TTC28: variants seen among roughly 807,000 people sequenced by gnomAD.
TTC28 encodes the protein tetratricopeptide repeat domain 28.
A neutral mutation model predicts 198.0 loss-of-function variants in TTC28; 61 were observed. That is an observed-to-expected ratio of 0.31 (90% CI 0.25 to 0.38). TTC28 has a LOEUF of 0.38. Among genes scored for constraint, TTC28 ranks in the 10% least tolerant of loss-of-function variants. The pLI is 1.00. For synonymous variants in TTC28, 1,171 were observed against 1,297.8 expected (o/e 0.90, Z 2.10); for missense variants, 2,678 against 3,164.0 (o/e 0.85, Z 3.69).
intron 5 of TTC28, among the ~76,000 whole-genome samples, chr22:28,190,162 C>A (rs1041123295): frequency 6.6e-6 from 1 of 152,206 alleles, no homozygotes; most frequent in Non-Finnish European, 1.5e-5. Context: ...GTTCTCTTAC[C>A]TGCAGTGTGC....
chr22:28,610,029 C>T (rs974102250), intron 2 of TTC28, among the ~76,000 whole-genome samples: 1 of 152,182 alleles, frequency 6.6e-6, no homozygotes, highest in African/African-American at 2.4e-5. Flanking sequence ...GGCCAGACTG[C>T]CTCTCTAGAT....
intron 2 of TTC28, among the ~76,000 whole-genome samples, chr22:28,567,717 A>G (rs1275064847): frequency 6.6e-6 from 1 of 151,796 alleles, no homozygotes; most frequent in Non-Finnish European, 1.5e-5. Context: ...CTGCTTGAGA[A>G]AGTATACCAC....
Position 28,005,280 on chromosome 22 carries a change from C to T in TTC28, c.4219-3727G>A, listed in dbSNP as rs1395693009. Among the ~76,000 whole-genome samples, 1 of 152,178 alleles carries T rather than the reference C, an allele frequency of 6.6e-6. No individual in the cohort carries two copies. The highest frequency in any genetic ancestry group is 1.5e-5 in the Non-Finnish European group (1 of 68,040). ...GACACAGTGCTGGGCAGGCAGGCCA[C>T]CATGCACAGCACTGTGGGGCTGCCC... On this transcript the variant is annotated intron_variant, in intron 14 of 22. Coordinates refer to ENST00000397906, the MANE Select transcript of TTC28 (RefSeq NM_001145418.2). This position sits in a 1 kb window ranked among gnomAD's most constrained non-coding sequence, Gnocchi z 4.9.
chr22:28,238,097 A>G (rs183865348), intron 5 of TTC28, among the ~76,000 whole-genome samples: 112 of 152,134 alleles, frequency 7.4e-4, no homozygotes, highest in Middle Eastern at 3.4e-3. Context: ...TTATGTTTTT[A>G]CTGCACGAAT....
intron 2 of TTC28, among the ~76,000 whole-genome samples, chr22:28,456,644 C>T (rs991428232): frequency 2.6e-5 from 4 of 152,228 alleles, no homozygotes; most frequent in Admixed American, 6.5e-5. Context: ...GGCATGATCT[C>T]GGCTCACTGC....
intron 2 of TTC28, among the ~76,000 whole-genome samples, chr22:28,482,381 T>C (rs889137869): frequency 2.0e-5 from 3 of 151,870 alleles, no homozygotes; most frequent in Non-Finnish European, 4.4e-5. Flanking sequence ...GGTAATTTTT[T>C]GTATTTTTAG....
intron 5 of TTC28, among the ~76,000 whole-genome samples, chr22:28,266,171 C>A (rs1245496520): frequency 6.9e-6 from 1 of 145,852 alleles, no homozygotes; most frequent in Non-Finnish European, 1.5e-5. Context: ...CAGAGCGAGA[C>A]TCTGTCTCAA....
intron 2 of TTC28, among the ~76,000 whole-genome samples, chr22:28,392,149 T>G (rs1261754656): frequency 1.3e-5 from 2 of 152,234 alleles, no homozygotes; most frequent in Non-Finnish European, 2.9e-5. Flanking sequence ...CCAGTTAGGC[T>G]GCTCGGGGGT....
intron 2 of TTC28, among the ~76,000 whole-genome samples, chr22:28,420,300 C>T (rs772843055): frequency 1.6e-4 from 24 of 152,076 alleles, no homozygotes; most frequent in Non-Finnish European, 3.1e-4. Flanking sequence ...TAGTATAATA[C>T]AAAAGTCCAA....
At chr22:28,493,146 A>G (rs1301034460) in intron 2 of TTC28, among the ~76,000 whole-genome samples, 1 of 151,902 alleles carries the variant, frequency 6.6e-6, no homozygotes. Context: ...ATTTGAGGTC[A>G]GGAGTTCAAG....
intron 2 of TTC28, among the ~76,000 whole-genome samples, chr22:28,607,741 C>T (rs1229973719): frequency 6.6e-6 from 1 of 152,050 alleles, no homozygotes; most frequent in Admixed American, 6.6e-5. Flanking sequence ...CAGATAGTAC[C>T]ACCTATAGCA....
intron 6 of TTC28, among the ~76,000 whole-genome samples, chr22:28,127,299 A>G (rs1316100664): frequency 6.6e-6 from 1 of 152,194 alleles, no homozygotes; most frequent in Non-Finnish European, 1.5e-5. Flanking sequence ...ATATGAGAAC[A>G]TTTATAACTA....
chr22:28,197,718 G>C (rs922211066), intron 5 of TTC28, among the ~76,000 whole-genome samples: 1 of 152,020 alleles, frequency 6.6e-6, no homozygotes, highest in African/African-American at 2.4e-5. Context: ...AGCAAGAACA[G>C]AAAATTCACT....
chr22:28,159,455 A>C (rs1461951633), intron 6 of TTC28, among the ~76,000 whole-genome samples: 1 of 152,184 alleles, frequency 6.6e-6, no homozygotes, highest in African/African-American at 2.4e-5. Context: ...GGAGTTCGAT[A>C]CCAGCCTGGG....
At chr22:28,331,686 CAG>C (rs2045618921) in intron 2 of TTC28, among the ~76,000 whole-genome samples, 1 of 152,228 alleles carries the variant, frequency 6.6e-6, no homozygotes, top group East Asian at 1.9e-4. Flanking sequence ...TCATTAAACT[CAG>C]TGTCTTTCAA....
intron 2 of TTC28, among the ~76,000 whole-genome samples, chr22:28,355,619 A>G (rs1345011033): frequency 6.6e-6 from 1 of 152,226 alleles, no homozygotes; most frequent in Non-Finnish European, 1.5e-5. Context: ...CACTACTTTC[A>G]AGTTCTAATA....
intron 2 of TTC28, among the ~76,000 whole-genome samples, chr22:28,599,706 A>G (rs16986544): frequency 0.053 from 8,026 of 152,228 alleles, 336 homozygotes; most frequent in East Asian, 0.24. Context: ...TGTCAATTAG[A>G]AGAAGGCTCT....
At chr22:28,397,903 T>C (rs1194900911) in intron 2 of TTC28, among the ~76,000 whole-genome samples, 1 of 152,198 alleles carries the variant, frequency 6.6e-6, no homozygotes, top group Non-Finnish European at 1.5e-5. Context: ...CCAGGATCCC[T>C]GGGTGTATCC....
chr22:28,387,295 A>G (rs1320449663), intron 2 of TTC28, among the ~76,000 whole-genome samples: 1 of 152,274 alleles, frequency 6.6e-6, no homozygotes, highest in East Asian at 1.9e-4. Context: ...ATAATGCCGC[A>G]ATAAACATAC....
Sources: gnomAD v4.1 joint callset for allele counts (sites outside exome capture counted in the v4.1 genomes callset) on GRCh38, gnomAD v4.1.1 for gene constraint, Gnocchi (gnomAD v3.1) non-coding constraint, MANE v1.5 for transcripts, NCBI Gene and HGNC (gene_info 2026-07-23, HGNC 2026-07-21) for gene names.